The following USP6NL variants were observed in gnomAD, a reference collection of about 807,000 sequenced individuals.
USP6NL encodes USP6 N-terminal like.
In USP6NL, 26 loss-of-function variants were observed where a neutral mutation model predicts 61.9. The ratio of observed to expected loss-of-function variants is 0.42; its 90% confidence interval spans 0.31 to 0.58. The LOEUF (loss-of-function observed/expected upper bound fraction) is 0.58. USP6NL is among the 20% of genes least tolerant of loss of function. USP6NL has a pLI of 0.16. For synonymous variants in USP6NL, 432 were observed against 390.1 expected (o/e 1.11, Z -1.27); for missense variants, 1,114 against 1,034.3 (o/e 1.08, Z -1.06).
intron 2 of USP6NL, among the ~76,000 whole-genome samples, chr10:11,543,813 T>TG (rs1836164880): frequency 7.9e-6 from 1 of 125,796 alleles, no homozygotes; most frequent in Non-Finnish European, 1.7e-5. Flanking sequence ...GTTTTTTTTT[T>TG]TTTTTTTTTT....
chr10:11,590,985 TTTTCTCACTGACTTAACAGTAAA>T (rs1281429105), intron 2 of USP6NL, among the ~76,000 whole-genome samples: 1 of 152,102 alleles, frequency 6.6e-6, no homozygotes, highest in African/African-American at 2.4e-5. Flanking sequence ...GAAATGAAAA[TTTTCTCACTGACTTAACAGTAAA>T]TTTTAAGAGT....
At chr10:11,538,174 A>G (rs1047090508) in intron 2 of USP6NL, among the ~76,000 whole-genome samples, 1 of 152,228 alleles carries the variant, frequency 6.6e-6, no homozygotes, top group African/African-American at 2.4e-5. Flanking sequence ...CTAGAAAGAT[A>G]GGAAACAAAA....
In USP6NL at chr10:11,501,083, T is replaced by C; in HGVS notation, c.384+18A>G. ...TACTTTTTAATTTCAAAATAACAAG[T>C]TAGCTTTAGCTACTCACACTATACA... is the stretch of plus-strand genomic sequence containing the variant. On this transcript the variant is annotated intron_variant, in intron 7 of 14. Coordinates refer to ENST00000609104, the MANE Select transcript of USP6NL (RefSeq NM_014688.5). The C allele has an allele frequency of 6.5e-7, 1 of 1,536,070 alleles. No homozygotes were observed. Among genetic ancestry groups the C allele is most frequent in the Non-Finnish European group, 8.8e-7 (1 of 1,141,938 alleles).
chr10:11,489,278 T>A lies in USP6NL; in HGVS notation c.544-56A>T. On this transcript the variant is annotated intron_variant, in intron 9 of 14. Transcript: ENST00000609104. The surrounding 1 kb of genome is among the most constrained non-coding windows in gnomAD (Gnocchi z 5.7). ...GGAGTTCAGTCGAATTACATGCATA[T>A]GTACAGAGAAAAAGCTACTCTATAA... The A allele has an allele frequency of 2.5e-6, 4 of 1,590,266 alleles. No homozygotes were observed. Among genetic ancestry groups the A allele is most frequent in the Non-Finnish European group, 3.4e-6 (4 of 1,166,266 alleles).
chr10:11,593,904 C>T (rs1838237100), intron 2 of USP6NL, among the ~76,000 whole-genome samples: 1 of 152,154 alleles, frequency 6.6e-6, no homozygotes. Flanking sequence ...CGTTTGATAA[C>T]ATGGAAAGGG....
In USP6NL at chr10:11,527,619, GTTAA is replaced by G. The variant is rs1389850701; in HGVS notation, c.5-56_5-53del. The G allele has an allele frequency of 6.0e-6, 9 of 1,493,116 alleles. No homozygotes were observed. The African/African-American group carries it at 7.0e-5, about 12-fold the overall frequency. The allele number at this position is 1,493,116 out of a possible 1,614,324, so 92.5% of individuals were successfully genotyped here. ...GAATTGTCATTGAAAGAATCGTAAA[GTTAA>G]TTAATTATGAAACTAAGACATAATA... is the stretch of plus-strand genomic sequence containing the variant. On this transcript the variant is annotated intron_variant, in intron 2 of 14. Transcript: ENST00000609104.
chr10:11,582,320 C>G lies in USP6NL; in HGVS notation c.4+15311G>C, dbSNP rs182627258. Among the ~76,000 whole-genome samples, 5 of 152,244 alleles carry G rather than the reference C, an allele frequency of 3.3e-5. No homozygotes were observed. In the East Asian group the frequency reaches 9.7e-4, roughly 29 times the overall value. On this transcript the variant is annotated intron_variant, in intron 2 of 14. Coordinates refer to ENST00000609104, the MANE Select transcript of USP6NL (RefSeq NM_014688.5). ...TTTGCCATGTTGGCCAGGTTAGTCT[C>G]GAACTCTGGACCTCAGGTGATCCGC...
At chr10:11,539,066 G>A (rs1050211317) in intron 2 of USP6NL, among the ~76,000 whole-genome samples, 9 of 152,192 alleles carry the variant, frequency 5.9e-5, no homozygotes, top group Non-Finnish European at 1.2e-4. Flanking sequence ...TCTCCAAGGG[G>A]CAGAAGGACA....
intron 2 of USP6NL, among the ~76,000 whole-genome samples, chr10:11,542,680 C>T (rs1180734852): frequency 6.6e-6 from 1 of 152,174 alleles, no homozygotes; most frequent in Non-Finnish European, 1.5e-5. Flanking sequence ...GATCAGGCCA[C>T]TGCACTCCAG....
At chr10:11,547,198 G>A (rs1836300997) in intron 2 of USP6NL, among the ~76,000 whole-genome samples, 1 of 152,220 alleles carries the variant, frequency 6.6e-6, no homozygotes, top group Non-Finnish European at 1.5e-5. Context: ...ATAAGAGCGT[G>A]AACTCACAGG....
At chr10:11,531,614 G>A (rs998566489) in intron 2 of USP6NL, among the ~76,000 whole-genome samples, 9 of 150,134 alleles carry the variant, frequency 6.0e-5, no homozygotes, top group Non-Finnish European at 1.0e-4. Context: ...CACCGCACCC[G>A]CTTAGATTAA....
chr10:11,541,991 G>C (rs1280174826), intron 2 of USP6NL, among the ~76,000 whole-genome samples: 1 of 152,174 alleles, frequency 6.6e-6, no homozygotes, highest in Non-Finnish European at 1.5e-5. Flanking sequence ...TAGATGGAAA[G>C]CTGTAGGACA....
intron 2 of USP6NL, among the ~76,000 whole-genome samples, chr10:11,571,137 G>A (rs1377964487): frequency 1.3e-5 from 2 of 149,988 alleles, no homozygotes; most frequent in East Asian, 3.9e-4. Flanking sequence ...AAGCTGGAGT[G>A]CAATGGCGCA....
rs1403956490 is a variant in USP6NL, at chr10:11,520,769, T to C, written c.156-2195A>G. Among the ~76,000 whole-genome samples, 1 of 152,274 alleles carries C rather than the reference T, an allele frequency of 6.6e-6. No individual in the cohort carries two copies. Among genetic ancestry groups the C allele is most frequent in the African/African-American group, 2.4e-5 (1 of 41,476 alleles). On this transcript the variant is annotated intron_variant, in intron 4 of 14. Coordinates refer to ENST00000609104, the MANE Select transcript of USP6NL (RefSeq NM_014688.5). This position sits in a 1 kb window ranked among gnomAD's most constrained non-coding sequence, Gnocchi z 5.2. Reference sequence around the variant, plus strand: ...CACTCTGCCATGAATGTATTGTCTCTGGTTGTTTTCATGCTGCAACAGCAG... The same window carrying C: ...CACTCTGCCATGAATGTATTGTCTCCGGTTGTTTTCATGCTGCAACAGCAG...
chr10:11,543,995 T>C (rs1836173408), intron 2 of USP6NL, among the ~76,000 whole-genome samples: 1 of 151,850 alleles, frequency 6.6e-6, no homozygotes, highest in Non-Finnish European at 1.5e-5. Flanking sequence ...GTATTTTTAG[T>C]AGAGACAGAG....
chr10:11,480,785 A>C (rs1833164903), intron 14 of USP6NL, among the ~76,000 whole-genome samples: 1 of 152,240 alleles, frequency 6.6e-6, no homozygotes. Flanking sequence ...TCACCTCTGC[A>C]TGAGGGCATA....
chr10:11,492,871 AT>A (rs1191123545), intron 8 of USP6NL, among the ~76,000 whole-genome samples: 1 of 152,214 alleles, frequency 6.6e-6, no homozygotes, highest in Non-Finnish European at 1.5e-5. Flanking sequence ...TATCTACTAC[AT>A]TTCTAAGAAT....
Position 11,540,971 on chromosome 10 carries a change from C to T in USP6NL, c.5-13404G>A, listed in dbSNP as rs980672400. On this transcript the variant is annotated intron_variant, in intron 2 of 14. Coordinates refer to ENST00000609104, the MANE Select transcript of USP6NL (RefSeq NM_014688.5). The surrounding 1 kb of genome is among the most constrained non-coding windows in gnomAD (Gnocchi z 5.0). ...AATAAATAAAAGTGCTCATATCACA[C>T]TAAAAGTGTCACTCATTCAATCATT... 3.3e-5 allele frequency among the ~76,000 whole-genome samples: 5 copies of T among 151,592 alleles called. No individual in the cohort carries two copies. Among genetic ancestry groups the T allele is most frequent in the African/African-American group, 9.7e-5 (4 of 41,286 alleles).
intron 6 of USP6NL, among the ~76,000 whole-genome samples, chr10:11,504,448 GT>G (rs1268231225): frequency 6.6e-6 from 1 of 152,164 alleles, no homozygotes; most frequent in East Asian, 1.9e-4. Flanking sequence ...CACTTAAAAT[GT>G]AAGTAAAACA....
Sources: gnomAD v4.1 joint callset for allele counts (sites outside exome capture counted in the v4.1 genomes callset) on GRCh38, gnomAD v4.1.1 for gene constraint, Gnocchi (gnomAD v3.1) non-coding constraint, MANE v1.5 for transcripts, NCBI Gene and HGNC (gene_info 2026-07-23, HGNC 2026-07-21) for gene names.